Variants in CRPPA observed in about 807,000 individuals in gnomAD.
CRPPA encodes CDP-L-ribitol pyrophosphorylase A.
A neutral mutation model predicts 52.0 loss-of-function variants in CRPPA; 43 were observed. The observed-to-expected ratio is 0.83, with a 90% CI of 0.65 to 1.07. CRPPA has a LOEUF of 1.07. CRPPA is among the 50% of genes least tolerant of loss of function. The pLI is 0.00. For missense variants in CRPPA, 629 were observed against 551.7 expected, an observed-to-expected ratio of 1.14 and a Z score of -1.40; for synonymous variants, 250 against 203.5, an observed-to-expected ratio of 1.23 and a Z score of -1.94.
At chr7:16,380,684 C>T (rs1444066298) in intron 2 of CRPPA, among the ~76,000 whole-genome samples, 1 of 152,102 alleles carries the variant, frequency 6.6e-6, no homozygotes, top group African/African-American at 2.4e-5. Context: ...TATTGGTCTA[C>T]TCAGCGATTC....
rs1385283059 is a variant in CRPPA at position 16,088,924 on chromosome 7, T to C, written c.*2771A>G. 3 of 197,308 alleles carry C rather than the reference T, an allele frequency of 1.5e-5. No individual in the cohort carries two copies. Among genetic ancestry groups the C allele is most frequent in the African/African-American group, 2.3e-5 (1 of 43,742 alleles). The allele number at this position is 197,308 out of a possible 1,614,324, so 12.2% of individuals were successfully genotyped here. On this transcript the variant is annotated 3_prime_UTR_variant, in exon 10 of 10. Coordinates refer to ENST00000407010, the MANE Select transcript of CRPPA (RefSeq NM_001101426.4). The stretch of plus-strand genomic sequence containing the variant: ...GTGCCTCTGGCTTATATATCACGTC[T>C]TATATATCAGACGTGGCTTATATAT...
At chr7:16,165,911 T>G (rs1397941311) in intron 9 of CRPPA, among the ~76,000 whole-genome samples, 1 of 152,242 alleles carries the variant, frequency 6.6e-6, no homozygotes, top group East Asian at 1.9e-4. Context: ...GAAAAGACTG[T>G]GGAGCTCTAG....
chr7:16,187,003 TTAAG>T (rs1470157310), intron 9 of CRPPA, among the ~76,000 whole-genome samples: 5 of 152,192 alleles, frequency 3.3e-5, no homozygotes, highest in African/African-American at 1.2e-4. Flanking sequence ...AAGATGAAAA[TTAAG>T]TATTTAAGTG....
At chr7:16,362,794 CT>C (rs1193286736) in intron 3 of CRPPA, among the ~76,000 whole-genome samples, 2 of 152,148 alleles carry the variant, frequency 1.3e-5, no homozygotes, top group Non-Finnish European at 2.9e-5. Context: ...AAAGAATGAT[CT>C]GCGCATTTAA....
intron 9 of CRPPA, among the ~76,000 whole-genome samples, chr7:16,183,340 C>T (rs1360015393): frequency 6.6e-6 from 1 of 152,150 alleles, no homozygotes; most frequent in Non-Finnish European, 1.5e-5. Flanking sequence ...TTCTGAAGGG[C>T]TGTCTCTTGT....
intron 9 of CRPPA, among the ~76,000 whole-genome samples, chr7:16,116,200 C>T (rs940208116): frequency 6.6e-6 from 1 of 152,052 alleles, no homozygotes; most frequent in Non-Finnish European, 1.5e-5. Context: ...AGCAGTGAGA[C>T]AGATATCATG....
intron 3 of CRPPA, among the ~76,000 whole-genome samples, chr7:16,343,812 C>T (rs919344042): frequency 1.3e-5 from 2 of 152,176 alleles, no homozygotes; most frequent in African/African-American, 4.8e-5. Context: ...GCTCTCACCT[C>T]TGGATGACCA....
chr7:16,321,594 G>C (rs1785266634), intron 3 of CRPPA, among the ~76,000 whole-genome samples: 1 of 152,098 alleles, frequency 6.6e-6, no homozygotes, highest in Non-Finnish European at 1.5e-5. Flanking sequence ...AAGAAATATA[G>C]GGAAGGGAGG....
chr7:16,214,733 C>G (rs1782258026), intron 9 of CRPPA, among the ~76,000 whole-genome samples: 1 of 152,222 alleles, frequency 6.6e-6, no homozygotes, highest in East Asian at 1.9e-4. Context: ...TCTTGAACTC[C>G]TAACCTCAAG....
chr7:16,260,141 A>G (rs1444990166), intron 6 of CRPPA, among the ~76,000 whole-genome samples: 1 of 152,094 alleles, frequency 6.6e-6, no homozygotes, highest in Non-Finnish European at 1.5e-5. Context: ...TCTAGATATT[A>G]CAGGGAGACA....
chr7:16,272,157 G>C (rs1304489672), intron 6 of CRPPA, among the ~76,000 whole-genome samples: 1 of 152,106 alleles, frequency 6.6e-6, no homozygotes, highest in East Asian at 1.9e-4. Context: ...AAAAACGGAG[G>C]AGGAAAATAG....
intron 5 of CRPPA, among the ~76,000 whole-genome samples, chr7:16,288,585 C>T (rs59453189): frequency 0.074 from 11,180 of 151,918 alleles, 640 homozygotes; most frequent in African/African-American, 0.16. Context: ...GTGGCTCACA[C>T]CTGTAATCCC....
intron 3 of CRPPA, among the ~76,000 whole-genome samples, chr7:16,326,660 T>C (rs192523605): frequency 6.6e-6 from 1 of 152,244 alleles, no homozygotes; most frequent in Non-Finnish European, 1.5e-5. Context: ...ATTCAGTACC[T>C]ATCTACTACT....
chr7:16,166,998 C>T (rs1306432537), intron 9 of CRPPA, among the ~76,000 whole-genome samples: 1 of 151,228 alleles, frequency 6.6e-6, no homozygotes, highest in Non-Finnish European at 1.5e-5. Flanking sequence ...GTGCGATCTC[C>T]ACTCACTGCA....
chr7:16,182,896 C>CA (rs1781439675), intron 9 of CRPPA, among the ~76,000 whole-genome samples: 1 of 152,140 alleles, frequency 6.6e-6, no homozygotes, highest in Admixed American at 6.5e-5. Flanking sequence ...AACAAAAATG[C>CA]AATTAAGCTA....
chr7:16,216,932 G>A lies in CRPPA; in HGVS notation c.1120-735C>T, dbSNP rs1283627432. ...AGCCGGGAAGCTCCAACTGGGTGGA[G>A]CCCACCACAGCTCAAGGAGGCCTGC... On this transcript the variant is annotated intron_variant, in intron 8 of 9. Transcript: ENST00000407010. 6.7e-3 allele frequency among the ~76,000 whole-genome samples: 1,014 copies of A among 151,910 alleles called. 17 individuals are homozygous for A. Among genetic ancestry groups the A allele is most frequent in the African/African-American group, 0.024 (991 of 41,522 alleles).
chr7:16,099,740 A>C (rs1361324788), intron 9 of CRPPA, among the ~76,000 whole-genome samples: 1 of 152,212 alleles, frequency 6.6e-6, no homozygotes, highest in Non-Finnish European at 1.5e-5. Flanking sequence ...TAGATCTGGG[A>C]CTTGTGACAC....
intron 9 of CRPPA, among the ~76,000 whole-genome samples, chr7:16,207,292 G>A (rs569927998): frequency 6.6e-6 from 1 of 152,230 alleles, no homozygotes; most frequent in South Asian, 2.1e-4. Context: ...GCATCTATTA[G>A]GCAATACGCT....
intron 3 of CRPPA, among the ~76,000 whole-genome samples, chr7:16,342,795 ATATC>A (rs1391732922): frequency 0.015 from 1,706 of 111,124 alleles, 329 homozygotes; most frequent in Non-Finnish European, 0.025. Context: ...ATATATATAT[ATATC>A]TATATAGATA....
Sources: allele counts gnomAD v4.1 joint callset (sites outside exome capture counted in the v4.1 genomes callset), GRCh38; gene constraint gnomAD v4.1.1; transcripts MANE v1.5; gene names NCBI Gene and HGNC (gene_info 2026-07-23, HGNC 2026-07-21).